Variants in BEAN1 observed in about 807,000 individuals in gnomAD.
BEAN1 encodes the protein brain expressed associated with NEDD4 1, also known as protein BEAN1.
Under a neutral mutation model 17.7 loss-of-function variants are expected in BEAN1, and 17 were observed. The observed-to-expected ratio is 0.96, with a 90% CI of 0.66 to 1.44. The LOEUF is 1.44. BEAN1 is among the 40% of genes most tolerant of loss of function. BEAN1 has a pLI of 0.00. For missense variants in BEAN1, 359 were observed against 374.1 expected (o/e 0.96, Z 0.33); for synonymous variants, 142 against 151.8 (o/e 0.94, Z 0.47).
chr16:66,448,382 G>A (rs1418418449), intron 2 of BEAN1, among the ~76,000 whole-genome samples: 1 of 152,086 alleles, frequency 6.6e-6, no homozygotes, highest in Non-Finnish European at 1.5e-5. Context: ...TACAAATCAG[G>A]GATTCTTTTT....
intron 4 of BEAN1, among the ~76,000 whole-genome samples, chr16:66,488,536 A>C (rs1964121304): frequency 6.7e-6 from 1 of 148,814 alleles, no homozygotes; most frequent in East Asian, 2.1e-4. Context: ...AAAAAAAAAA[A>C]AAAACTGTTT....
At position 66,435,473 on chromosome 16, in the gene BEAN1, CA is replaced by C. The variant is rs371383570; in HGVS notation, c.-82-2121del. On this transcript the variant is annotated intron_variant, in intron 1 of 4. Coordinates refer to ENST00000536005, the MANE Select transcript of BEAN1 (RefSeq NM_001178020.3). ...CTTGTAGGGAAATGCAGCCAAAGTG[CA>C]CTGAGAAATAACTGGTTTGTTTTTG... Among the ~76,000 whole-genome samples, 402 of 152,296 alleles carry C rather than the reference CA, an allele frequency of 2.6e-3. 2 individuals are homozygous for C. The highest frequency in any genetic ancestry group is 9.1e-3 in the African/African-American group (377 of 41,578).
intron 2 of BEAN1, among the ~76,000 whole-genome samples, chr16:66,443,020 C>A (rs1962317837): frequency 1.3e-5 from 2 of 152,254 alleles, no homozygotes; most frequent in Non-Finnish European, 2.9e-5. Flanking sequence ...ATGGCACACA[C>A]TGCAAAATTC....
In BEAN1 at chr16:66,455,320, A is replaced by C. The variant is rs144604020; in HGVS notation, c.26-14282A>C. ...ATTATTCACAGCTACAACAGCAAGT[A>C]ATGTAATGGTGACCTGCACATACCA... On this transcript the variant is annotated intron_variant, in intron 2 of 4. Coordinates refer to ENST00000536005, the MANE Select transcript of BEAN1 (RefSeq NM_001178020.3). 7.4e-3 allele frequency among the ~76,000 whole-genome samples: 1,133 copies of C among 152,336 alleles called. 14 individuals are homozygous for C. The highest frequency in any genetic ancestry group is 0.025 in the African/African-American group (1,052 of 41,576).
chr16:66,460,682 C>T (rs1963049173), intron 2 of BEAN1, among the ~76,000 whole-genome samples: 1 of 152,216 alleles, frequency 6.6e-6, no homozygotes, highest in Admixed American at 6.5e-5. Context: ...TCAAGTGGCT[C>T]AGAAGAAGCA....
Position 66,482,532 on chromosome 16 carries a change from G to A in BEAN1, c.*1607G>A. The A allele has an allele frequency of 8.3e-6, 2 of 240,454 alleles. No individual in the cohort carries two copies. The highest frequency in any genetic ancestry group is 8.4e-5 in the South Asian group (2 of 23,704). 14.9% of individuals were successfully genotyped at this position (240,454 alleles called of 1,614,324 possible). A position where few individuals can be genotyped will look rare whatever the true frequency, so the allele number is the denominator to read the frequency against. ...GAGGGACTTGTTTACAAGCAGTTCT[G>A]ACCACCTTAGTGGTGTACTGTTTTC... On this transcript the variant is annotated 3_prime_UTR_variant, in exon 5 of 5. Coordinates refer to ENST00000536005, the MANE Select transcript of BEAN1 (RefSeq NM_001178020.3).
chr16:66,433,099 ATTTATT>A (rs996550451), intron 1 of BEAN1, among the ~76,000 whole-genome samples: 3 of 151,730 alleles, frequency 2.0e-5, no homozygotes, highest in Admixed American at 1.3e-4. Context: ...TTATTTATTT[ATTTATT>A]TTTATTATTT....
chr16:66,456,220 G>T lies in BEAN1; in HGVS notation c.26-13382G>T, dbSNP rs191636799. Among the ~76,000 whole-genome samples the T allele has an allele frequency of 1.4e-3, 209 of 152,316 alleles. 3 individuals carry two copies. Among genetic ancestry groups the T allele is most frequent in the Admixed American group, 2.7e-3 (41 of 15,304 alleles). ...TAAATATTCTCTCTCCCCTGGGTGG[G>T]ATAGCTGATGAAAATTCGCAGCATT... On this transcript the variant is annotated intron_variant, in intron 2 of 4. Coordinates refer to ENST00000536005, the MANE Select transcript of BEAN1 (RefSeq NM_001178020.3).
chr16:66,460,284 T>G (rs1162116952), intron 2 of BEAN1, among the ~76,000 whole-genome samples: 1 of 152,240 alleles, frequency 6.6e-6, no homozygotes. Context: ...GGAAAGACAC[T>G]CTCCACCTCT....
intron 4 of BEAN1, among the ~76,000 whole-genome samples, chr16:66,489,748 G>A (rs1368830804): frequency 6.6e-6 from 1 of 152,200 alleles, no homozygotes; most frequent in East Asian, 1.9e-4. Flanking sequence ...AGAGGCAGAG[G>A]CTGGAGGGAA....
chr16:66,486,867 G>A (rs961923764), downstream of BEAN1, among the ~76,000 whole-genome samples: 1 of 152,194 alleles, frequency 6.6e-6, no homozygotes, highest in Non-Finnish European at 1.5e-5. Flanking sequence ...GGCAGGTGCT[G>A]GGGCAGGGTC....
At chr16:66,460,831 T>C (rs1459501545) in intron 2 of BEAN1, among the ~76,000 whole-genome samples, 1 of 152,236 alleles carries the variant, frequency 6.6e-6, no homozygotes, top group Admixed American at 6.5e-5. Context: ...GACCCAGGTC[T>C]CTATCTGTGG....
chr16:66,429,755 C>T (rs1367276482), intron 1 of BEAN1, among the ~76,000 whole-genome samples: 1 of 152,198 alleles, frequency 6.6e-6, no homozygotes, highest in Non-Finnish European at 1.5e-5. Flanking sequence ...GCTGTGTCTT[C>T]CAAAATCCTC....
intron 2 of BEAN1, 54 bp downstream of exon 2, chr16:66,437,755 T>C: frequency 1.3e-6 from 2 of 1,505,172 alleles, no homozygotes; most frequent in Non-Finnish European, 1.8e-6. Context: ...AGGGCAGAGC[T>C]TGGAGTCGAG....
intron 1 of BEAN1, among the ~76,000 whole-genome samples, chr16:66,436,266 CTTTTT>C (rs560577711): frequency 8.3e-6 from 1 of 120,640 alleles, no homozygotes; most frequent in Non-Finnish European, 1.7e-5. Flanking sequence ...TTTTTCTTTT[CTTTTT>C]TTTTTTTTTT....
downstream of BEAN1, chr16:66,485,362 C>T (rs571704475): frequency 9.5e-4 from 333 of 349,378 alleles, 4 homozygotes; most frequent in African/African-American, 7.0e-3. Context: ...GTTGCATACT[C>T]CAGTGCCACT....
At chr16:66,474,344 G>A (rs1963606453) in intron 3 of BEAN1, among the ~76,000 whole-genome samples, 1 of 151,548 alleles carries the variant, frequency 6.6e-6, no homozygotes, top group South Asian at 2.1e-4. Context: ...CTGCCTGCCA[G>A]CCACCAGCCT....
chr16:66,447,810 G>C (rs186519307), intron 2 of BEAN1, among the ~76,000 whole-genome samples: 54 of 152,322 alleles, frequency 3.5e-4, no homozygotes, highest in Admixed American at 6.5e-4. Flanking sequence ...TCACACTACA[G>C]ATGTGGAAAC....
At chr16:66,492,122 AC>A (rs1469135778) in intron 4 of BEAN1, among the ~76,000 whole-genome samples, 12 of 152,150 alleles carry the variant, frequency 7.9e-5, no homozygotes, top group Admixed American at 7.2e-4. Context: ...GCTCACTGCA[AC>A]TTCTGCCTCT....
Sources: allele counts gnomAD v4.1 joint callset (sites outside exome capture counted in the v4.1 genomes callset), GRCh38; gene constraint gnomAD v4.1.1; transcripts MANE v1.5; gene names NCBI Gene and HGNC (gene_info 2026-07-23, HGNC 2026-07-21).